Variants in DOCK2 observed in about 807,000 individuals in gnomAD.
DOCK2 encodes dedicator of cytokinesis protein 2.
A neutral mutation model predicts 248.9 loss-of-function variants in DOCK2; 87 were observed. The observed-to-expected ratio is 0.35, with a 90% CI of 0.29 to 0.42. The LOEUF is 0.42. DOCK2 is among the 10% of genes least tolerant of loss of function. The pLI is 1.00. For missense variants in DOCK2, 1,747 were observed against 2,300.2 expected (o/e 0.76, Z 4.92); for synonymous variants, 805 against 821.6 (o/e 0.98, Z 0.35).
At chr5:170,059,339 G>A (rs1325377743) in intron 44 of DOCK2, among the ~76,000 whole-genome samples, 1 of 152,078 alleles carries the variant, frequency 6.6e-6, no homozygotes, top group Non-Finnish European at 1.5e-5. Flanking sequence ...ATACTATTAT[G>A]AGCCCTATTT....
At chr5:170,006,658 T>G (rs1445864502) in intron 30 of DOCK2, among the ~76,000 whole-genome samples, 2 of 152,070 alleles carry the variant, frequency 1.3e-5, no homozygotes, top group Non-Finnish European at 2.9e-5. Flanking sequence ...GGGCCCTGGG[T>G]GATAAAGGTC....
At chr5:169,978,388 TGTGTGG>T (rs1777798944) in intron 27 of DOCK2, among the ~76,000 whole-genome samples, 3 of 15,590 alleles carry the variant, frequency 1.9e-4, no homozygotes, top group Non-Finnish European at 2.7e-4. Context: ...TGTGTGTGTG[TGTGTGG>T]GGGGGGGGGG....
At chr5:169,939,596 G>A (rs1381981786) in intron 27 of DOCK2, among the ~76,000 whole-genome samples, 1 of 152,104 alleles carries the variant, frequency 6.6e-6, no homozygotes, top group Non-Finnish European at 1.5e-5. Flanking sequence ...CAGTATGTTA[G>A]TTTACAAATA....
intron 22 of DOCK2, among the ~76,000 whole-genome samples, chr5:169,721,311 T>G (rs1762191131): frequency 6.6e-6 from 1 of 152,230 alleles, no homozygotes; most frequent in African/African-American, 2.4e-5. Flanking sequence ...AAGCCTAATC[T>G]TGAATCCTTC....
At chr5:169,851,373 A>C (rs1416594985) in intron 27 of DOCK2, among the ~76,000 whole-genome samples, 1 of 152,198 alleles carries the variant, frequency 6.6e-6, no homozygotes, top group Non-Finnish European at 1.5e-5. Flanking sequence ...TCATTCTCCA[A>C]ATCTTTCTTC....
intron 44 of DOCK2, among the ~76,000 whole-genome samples, chr5:170,064,455 A>G (rs1757427660): frequency 6.6e-6 from 1 of 152,002 alleles, no homozygotes; most frequent in African/African-American, 2.4e-5. Flanking sequence ...TAGGAATATT[A>G]TAACTGAACT....
chr5:170,053,795 A>G (rs576453491), intron 41 of DOCK2, among the ~76,000 whole-genome samples: 5 of 152,368 alleles, frequency 3.3e-5, no homozygotes, highest in African/African-American at 9.6e-5. Flanking sequence ...CTTAGCATAG[A>G]GTAAGTTCAT....
intron 25 of DOCK2, among the ~76,000 whole-genome samples, chr5:169,775,563 A>T (rs1765337855): frequency 6.6e-6 from 1 of 152,060 alleles, no homozygotes; most frequent in South Asian, 2.1e-4. Flanking sequence ...ATGTTTATAG[A>T]GTTTTAATAA....
Position 169,637,376 on chromosome 5 carries a change from GCGGGC to G in DOCK2, c.43+9_43+13del. On this transcript the variant is annotated splice_region_variant and intron_variant, in intron 1 of 51. Transcript: ENST00000520908. ...AAGGAGCGGCACGGCGTGGGTAGGT[GCGGGC>G]CCCAGGGCGCGGCAGGGAGCGGGAC... The G allele has an allele frequency of 7.1e-7, 1 of 1,401,290 alleles. No individual in the cohort carries two copies. The highest frequency in any genetic ancestry group is 3.1e-5 in the East Asian group (1 of 32,716). 86.8% of individuals were successfully genotyped at this position (1,401,290 alleles called of 1,614,324 possible). A position where few individuals can be genotyped will look rare whatever the true frequency, so the allele number is the denominator to read the frequency against.
chr5:169,874,992 T>G (rs1306523554), intron 27 of DOCK2, among the ~76,000 whole-genome samples: 1 of 152,054 alleles, frequency 6.6e-6, no homozygotes, highest in Non-Finnish European at 1.5e-5. Flanking sequence ...CATATATAAT[T>G]AGGTCTATAT....
chr5:169,676,308 C>T (rs1759333194), intron 6 of DOCK2, among the ~76,000 whole-genome samples: 1 of 152,162 alleles, frequency 6.6e-6, no homozygotes, highest in Non-Finnish European at 1.5e-5. Context: ...GTGCCTGGAA[C>T]AAGGTCTGCA....
rs968661863 is a variant in DOCK2, at chr5:169,939,095, G to A, written c.2800-43973G>A. Among the ~76,000 whole-genome samples the A allele has an allele frequency of 9.2e-5, 14 of 151,828 alleles. No homozygotes were observed. The Middle Eastern group carries it at 0.01, about 111-fold the overall frequency. On this transcript the variant is annotated intron_variant, in intron 27 of 51. Coordinates refer to ENST00000520908, the MANE Select transcript of DOCK2 (RefSeq NM_004946.3). ...ATTTTTTTGTATTTTTAGTAGAGAC[G>A]GGGTTTCACCGCATTAGCCAGGATG...
At chr5:170,077,681 C>G in intron 47 of DOCK2, 29 bp from the exon 48 acceptor site, 1 of 1,612,054 alleles carries the variant, frequency 6.2e-7, no homozygotes. Context: ...CAGGCTACAG[C>G]TGCTAACCAC....
intron 26 of DOCK2, among the ~76,000 whole-genome samples, chr5:169,817,883 A>G (rs1413730067): frequency 1.3e-5 from 2 of 152,220 alleles, no homozygotes; most frequent in East Asian, 3.8e-4. Flanking sequence ...CCCATCTTCA[A>G]TTAGTCTACT....
At chr5:169,741,458 G>A (rs1184969144) in intron 22 of DOCK2, among the ~76,000 whole-genome samples, 1 of 152,134 alleles carries the variant, frequency 6.6e-6, no homozygotes, top group Non-Finnish European at 1.5e-5. Flanking sequence ...GGGAGAGAGG[G>A]AGAGAATACA....
chr5:169,708,067 C>T (rs910788520), intron 14 of DOCK2, 102 bp from the exon 15 acceptor site: 4 of 1,217,778 alleles, frequency 3.3e-6, no homozygotes, highest in Non-Finnish European at 4.7e-6. Flanking sequence ...GCAGGGTTGG[C>T]CCAGGCCCTA....
At chr5:170,042,825 T>C (rs886916504) in intron 38 of DOCK2, among the ~76,000 whole-genome samples, 2 of 152,228 alleles carry the variant, frequency 1.3e-5, no homozygotes, top group African/African-American at 4.8e-5. Flanking sequence ...TACTTGTTTA[T>C]TTTCTGGCTC....
At chr5:169,999,821 C>T (rs1754772015) in intron 30 of DOCK2, among the ~76,000 whole-genome samples, 1 of 152,162 alleles carries the variant, frequency 6.6e-6, no homozygotes, top group Admixed American at 6.5e-5. Flanking sequence ...GAACAGCATC[C>T]ATCACTGACT....
At chr5:169,792,222 C>T (rs261611) in intron 25 of DOCK2, among the ~76,000 whole-genome samples, 46,910 of 151,878 alleles carry the variant, frequency 0.31, 7,769 homozygotes, top group African/African-American at 0.43. Flanking sequence ...CAGATGTCAT[C>T]GAATTGGAAA....
Sources: allele counts gnomAD v4.1 joint callset (sites outside exome capture counted in the v4.1 genomes callset), GRCh38; gene constraint gnomAD v4.1.1; transcripts MANE v1.5; gene names NCBI Gene and HGNC (gene_info 2026-07-23, HGNC 2026-07-21).